The following STK26 variants were observed in gnomAD, a reference collection of about 807,000 sequenced individuals.
STK26 encodes the protein serine/threonine kinase 26, also known as serine/threonine-protein kinase 26.
In STK26, 14 loss-of-function variants were observed where a neutral mutation model predicts 34.7. The observed-to-expected ratio is 0.40, with a 90% CI of 0.27 to 0.63. The LOEUF is 0.63. STK26 is among the 30% of genes least tolerant of loss of function. STK26 has a pLI of 0.38. For missense variants in STK26, 226 were observed against 309.1 expected (o/e 0.73, Z 2.02); for synonymous variants, 100 against 109.8 (o/e 0.91, Z 0.56).
At chrX:132,065,561 T>C (rs1359482370) in intron 4 of STK26, among the ~76,000 whole-genome samples, 2 of 112,189 alleles carry the variant, frequency 1.8e-5, no homozygotes, top group Non-Finnish European at 3.8e-5. Context: ...AATCTCCAAG[T>C]TAAATGATTG....
intron 2 of STK26, among the ~76,000 whole-genome samples, chrX:132,031,881 T>C (rs747534352): frequency 7.4e-4 from 83 of 111,981 alleles, no homozygotes; most frequent in African/African-American, 2.7e-3. Flanking sequence ...CAAATTTGGA[T>C]TTAAACATTA....
intron 3 of STK26, among the ~76,000 whole-genome samples, chrX:132,058,721 A>G (rs999523301): frequency 4.5e-5 from 5 of 111,724 alleles, no homozygotes; most frequent in African/African-American, 1.6e-4. Context: ...CTACAAAACC[A>G]TCGTCCAAGA....
intron 2 of STK26, among the ~76,000 whole-genome samples, chrX:132,044,806 TCTATATATATATTTATATATATAG>T (rs1209532451): frequency 0.027 from 1,422 of 53,613 alleles, 101 homozygotes; most frequent in East Asian, 0.046. Flanking sequence ...TAGAGAGAGA[TCTATATATATATTTATATATATAG>T]AGAGAGATCT....
chrX:132,060,282 A>C (rs776647788), intron 3 of STK26, among the ~76,000 whole-genome samples: 19 of 111,545 alleles, frequency 1.7e-4, no homozygotes, highest in Non-Finnish European at 3.4e-4. Context: ...TAACCCTCAA[A>C]CTAGGGAGGT....
Position 132,068,310 on chromosome X carries a change from C to T in STK26, c.426C>T (p.His142=), listed in dbSNP as rs139634080. Reference sequence around the variant, plus strand: ...ATCTGCATTCAGAAAAGAAAATTCACCGAGACATAAAAGGTATACAAAAGT... The same window carrying T: ...ATCTGCATTCAGAAAAGAAAATTCATCGAGACATAAAAGGTATACAAAAGT... ...LDYLHSEKKI[H]RDIKAANVLL... The change falls in exon 5 of 12, where the codon CAC becomes CAT. Residue 142 remains histidine, a synonymous_variant. Coordinates refer to ENST00000394334, the MANE Select transcript of STK26 (RefSeq NM_016542.4). 1,741 of 1,200,085 alleles carry T rather than the reference C, an allele frequency of 1.5e-3. 4 individuals are homozygous for T. Among genetic ancestry groups the T allele is most frequent in the Non-Finnish European group, 1.8e-3 (1,644 of 890,715 alleles).
Position 132,071,062 on chromosome X carries a change from T to A in STK26, c.784-7T>A, listed in dbSNP as rs1161954869. On this transcript the variant is annotated splice_polypyrimidine_tract_variant and splice_region_variant and intron_variant, in intron 7 of 11. Coordinates refer to ENST00000394334, the MANE Select transcript of STK26 (RefSeq NM_016542.4). ...GTCATATGCAGCCTTGATCTTTTTA[T>A]CCTTAGCGTCCTACAGCAAAAGAAC... The A allele has an allele frequency of 6.7e-6, 8 of 1,201,641 alleles. No individual in the cohort carries two copies. Among genetic ancestry groups the A allele is most frequent in the Non-Finnish European group, 9.0e-6 (8 of 890,761 alleles).
intron 4 of STK26, among the ~76,000 whole-genome samples, chrX:132,064,734 A>AT (rs1241708223): frequency 4.5e-5 from 5 of 110,652 alleles, no homozygotes; most frequent in Non-Finnish European, 7.6e-5. Context: ...TTAATATTAT[A>AT]TTTTTTTTAT....
chrX:132,069,408 CACATAT>C (rs1927325202), intron 6 of STK26, 64 bp from the exon 7 acceptor site: 2 of 124,327 alleles, frequency 1.6e-5, no homozygotes, highest in Non-Finnish European at 2.4e-5. Context: ...TACATACATA[CACATAT>C]ATATATATAT....
At chrX:132,052,583 T>C (rs1318377190) in intron 2 of STK26, among the ~76,000 whole-genome samples, 1 of 112,244 alleles carries the variant, frequency 8.9e-6, no homozygotes, top group Non-Finnish European at 1.9e-5. Context: ...GTTTTAAAAT[T>C]TTTGATTTAC....
chrX:132,069,041 G>A (rs1927311872), intron 6 of STK26, among the ~76,000 whole-genome samples: 1 of 110,058 alleles, frequency 9.1e-6, no homozygotes, highest in Non-Finnish European at 1.9e-5. Context: ...GCCATCTTAT[G>A]TAAATTTGCA....
At chrX:132,031,688 C>T (rs1602742987) in intron 2 of STK26, among the ~76,000 whole-genome samples, 1 of 112,149 alleles carries the variant, frequency 8.9e-6, no homozygotes, top group African/African-American at 3.2e-5. Flanking sequence ...TTTCTTTATC[C>T]GTTCTTAACC....
chrX:132,053,397 G>T (rs1248096383), intron 2 of STK26, among the ~76,000 whole-genome samples: 1 of 111,983 alleles, frequency 8.9e-6, no homozygotes, highest in East Asian at 2.8e-4. Context: ...ATGAGTTTTG[G>T]AGTTACCTCA....
chrX:132,069,410 CATATATATAT>C (rs57609807), intron 6 of STK26, 58 bp from the exon 7 acceptor site: 3,785 of 92,005 alleles, frequency 0.041, 91 homozygotes, highest in East Asian at 0.089. Context: ...CATACATACA[CATATATATAT>C]ATATATATAT....
intron 2 of STK26, among the ~76,000 whole-genome samples, chrX:132,044,462 A>G (rs1402464202): frequency 3.7e-5 from 4 of 109,067 alleles, no homozygotes; most frequent in African/African-American, 1.0e-4. Context: ...AGAAAATGGC[A>G]TGAGTCAAAG....
At chrX:132,065,673 G>T (rs1373097475) in intron 4 of STK26, among the ~76,000 whole-genome samples, 1 of 112,081 alleles carries the variant, frequency 8.9e-6, no homozygotes, top group Non-Finnish European at 1.9e-5. Context: ...GTACTGTATT[G>T]GTTAAGAATC....
intron 3 of STK26, among the ~76,000 whole-genome samples, chrX:132,056,742 C>G (rs777759016): frequency 2.7e-5 from 3 of 112,453 alleles, no homozygotes; most frequent in South Asian, 3.7e-4. Context: ...ACAAATACCC[C>G]CTACTGCTGC....
intron 2 of STK26, among the ~76,000 whole-genome samples, chrX:132,037,998 T>C (rs754276153): frequency 9.1e-6 from 1 of 109,769 alleles, no homozygotes; most frequent in Non-Finnish European, 1.9e-5. Context: ...GAAAAAAAAC[T>C]ATTACCGCTG....
chrX:132,054,485 T>A, intron 2 of STK26, 146 bp from the exon 3 acceptor site: 2 of 496,261 alleles, frequency 4.0e-6, no homozygotes, highest in Non-Finnish European at 6.7e-6. Context: ...ACAGTTGTTC[T>A]AACAAAGCAC....
chrX:132,034,817 C>G (rs910771140), intron 2 of STK26, among the ~76,000 whole-genome samples: 6 of 110,355 alleles, frequency 5.4e-5, no homozygotes, highest in Non-Finnish European at 9.5e-5. Context: ...ATGGGAAGCA[C>G]CTGGGGGGCT....
Sources: gnomAD v4.1 joint callset for allele counts (sites outside exome capture counted in the v4.1 genomes callset) on GRCh38, gnomAD v4.1.1 for gene constraint, MANE v1.5 for transcripts, NCBI Gene and HGNC (gene_info 2026-07-23, HGNC 2026-07-21) for gene names.